Variants in MARCHF5 observed in about 807,000 individuals in gnomAD.
The protein encoded by MARCHF5 is membrane associated ring-CH-type finger 5.
MARCHF5 carries 5 observed loss-of-function variants against 36.5 expected under a neutral mutation model. That is an observed-to-expected ratio of 0.14 (90% CI 0.07 to 0.29). MARCHF5 has a LOEUF of 0.29. MARCHF5 is among the 10% of genes least tolerant of loss of function. The pLI is 1.00. For missense variants in MARCHF5, 179 were observed against 336.3 expected, an observed-to-expected ratio of 0.53 and a Z score of 3.66; for synonymous variants, 103 against 109.9, an observed-to-expected ratio of 0.94 and a Z score of 0.39.
chr10:92,329,576 T>G (rs997427962), intron 2 of MARCHF5, among the ~76,000 whole-genome samples: 2 of 152,182 alleles, frequency 1.3e-5, no homozygotes, highest in Admixed American at 6.5e-5. Flanking sequence ...TCAACCTATT[T>G]CTTTTCTGCC....
At chr10:92,322,601 A>G (rs1021790055) in intron 2 of MARCHF5, among the ~76,000 whole-genome samples, 1 of 147,954 alleles carries the variant, frequency 6.8e-6, no homozygotes, top group Non-Finnish European at 1.5e-5. Context: ...CACCATACCC[A>G]GCTAGTTTTT....
In MARCHF5 at chr10:92,349,414, A is replaced by C. The variant is rs1035069324; in HGVS notation, c.435A>C (p.Gly145=). The part of the protein sequence containing the change: ...ERADPLFLLI[G]LPTIPVMLIL... ...CTGATCCTTTATTCCTTTTAATTGG[A>C]CTTCCTACTATTCCTGTCATGCTGA... Residue 145 remains glycine, a synonymous_variant, in exon 4 of 6, where the codon GGA becomes GGC. Coordinates refer to ENST00000358935, the MANE Select transcript of MARCHF5 (RefSeq NM_017824.5). 3.7e-6 allele frequency: 6 copies of C among 1,613,932 alleles called. No homozygotes were observed. The African/African-American group carries it at 6.7e-5, about 18-fold the overall frequency.
rs537202028 is a variant in MARCHF5 at position 92,306,996 on chromosome 10, A to G, written c.36-4139A>G. On this transcript the variant is annotated intron_variant, in intron 1 of 5. Transcript: ENST00000358935. The stretch of plus-strand genomic sequence containing the variant: ...ACCACTGCACTCCAGCCTAGGTGGC[A>G]GAGTGAGACTCAGTCTCAAAAAAGG... Among the ~76,000 whole-genome samples the G allele has an allele frequency of 3.2e-4, 49 of 152,270 alleles. 1 individual carries two copies. The South Asian group carries it at 0.01, about 32-fold the overall frequency.
intron 1 of MARCHF5, among the ~76,000 whole-genome samples, chr10:92,310,651 T>G (rs767715973): frequency 4.6e-5 from 7 of 150,928 alleles, no homozygotes; most frequent in Non-Finnish European, 8.9e-5. Context: ...GAAAAATGGG[T>G]TTTTTTTTCC....
chr10:92,341,541 G>T (rs111534092), intron 3 of MARCHF5, among the ~76,000 whole-genome samples: 1 of 152,208 alleles, frequency 6.6e-6, no homozygotes, highest in East Asian at 1.9e-4. Context: ...GTCCCAAGCC[G>T]TTGACTCTTC....
At chr10:92,306,700 C>T (rs373366286) in intron 1 of MARCHF5, among the ~76,000 whole-genome samples, 1 of 152,038 alleles carries the variant, frequency 6.6e-6, no homozygotes, top group African/African-American at 2.4e-5. Context: ...AATTATAAGA[C>T]CTTCCCAGGT....
chr10:92,344,149 G>A (rs140469027), intron 3 of MARCHF5, among the ~76,000 whole-genome samples: 282 of 152,192 alleles, frequency 1.9e-3, no homozygotes, highest in African/African-American at 6.3e-3. Flanking sequence ...AATTAATGGG[G>A]CACTTGTTAA....
At position 92,352,816 on chromosome 10, in the gene MARCHF5, T is replaced by G. The variant is rs1245649608; in HGVS notation, c.*1609T>G. The G allele has an allele frequency of 1.3e-5, 2 of 152,618 alleles. No homozygotes were observed. The highest frequency in any genetic ancestry group is 2.9e-5 in the Non-Finnish European group (2 of 68,028). 9.5% of individuals were successfully genotyped at this position (152,618 alleles called of 1,614,324 possible). On this transcript the variant is annotated 3_prime_UTR_variant, in exon 6 of 6. Coordinates refer to ENST00000358935, the MANE Select transcript of MARCHF5 (RefSeq NM_017824.5). ...AGATTTGACTAACAGTGAGCCTTATTAAGAACACTACTACAGTTCTGAAGG... is the reference window on the plus strand; with the variant it reads ...AGATTTGACTAACAGTGAGCCTTATGAAGAACACTACTACAGTTCTGAAGG...
At chr10:92,349,561 GCATA>G (rs771605742) in intron 4 of MARCHF5, 29 bp downstream of exon 4, 21 of 1,602,040 alleles carry the variant, frequency 1.3e-5, no homozygotes, top group African/African-American at 2.7e-5. Flanking sequence ...GTTGTAAAGT[GCATA>G]CCAAATTGAT....
intron 2 of MARCHF5, among the ~76,000 whole-genome samples, chr10:92,329,580 T>C (rs1026086529): frequency 6.6e-6 from 1 of 152,200 alleles, no homozygotes; most frequent in Non-Finnish European, 1.5e-5. Context: ...CCTATTTCTT[T>C]TCTGCCTGCT....
intron 2 of MARCHF5, among the ~76,000 whole-genome samples, chr10:92,313,140 A>G (rs937312769): frequency 6.6e-6 from 1 of 152,130 alleles, no homozygotes; most frequent in Non-Finnish European, 1.5e-5. Context: ...AGGCTGAGGC[A>G]GAAGAGTTGC....
chr10:92,315,341 A>T (rs762138871), intron 2 of MARCHF5, among the ~76,000 whole-genome samples: 2 of 152,238 alleles, frequency 1.3e-5, no homozygotes, highest in Non-Finnish European at 2.9e-5. Context: ...TCATCTGATG[A>T]TAGAATTTTG....
At chr10:92,319,488 G>A (rs1375195208) in intron 2 of MARCHF5, among the ~76,000 whole-genome samples, 2 of 151,520 alleles carry the variant, frequency 1.3e-5, no homozygotes. Context: ...TAGAGACGGG[G>A]TTTCACCGTG....
chr10:92,340,026 A>G (rs1843558998), intron 2 of MARCHF5, among the ~76,000 whole-genome samples: 1 of 152,236 alleles, frequency 6.6e-6, no homozygotes, highest in Non-Finnish European at 1.5e-5. Context: ...TAAATACAAG[A>G]AAATGGCCCT....
intron 2 of MARCHF5, among the ~76,000 whole-genome samples, chr10:92,338,416 G>A (rs1334149719): frequency 6.6e-6 from 1 of 152,096 alleles, no homozygotes; most frequent in Non-Finnish European, 1.5e-5. Flanking sequence ...TAATGCCTTT[G>A]GCACAGCACA....
chr10:92,296,527 A>G (rs1203154822), intron 1 of MARCHF5, among the ~76,000 whole-genome samples: 1 of 152,216 alleles, frequency 6.6e-6, no homozygotes, highest in Non-Finnish European at 1.5e-5. Context: ...TTTACAGAGA[A>G]CAATGCAAAG....
chr10:92,338,245 T>A (rs1330938418), intron 2 of MARCHF5, among the ~76,000 whole-genome samples: 1 of 152,160 alleles, frequency 6.6e-6, no homozygotes, highest in Admixed American at 6.5e-5. Flanking sequence ...GTTTTATATA[T>A]ACTTACGGTC....
In MARCHF5 at chr10:92,352,324, T is replaced by C. The variant is rs1427531516; in HGVS notation, c.*1117T>C. 2.0e-5 allele frequency: 3 copies of C among 152,198 alleles called. No individual in the cohort carries two copies. The highest frequency in any genetic ancestry group is 4.8e-5 in the African/African-American group (2 of 41,446). The allele number at this position is 152,198 out of a possible 1,614,324, so 9.4% of individuals were successfully genotyped here. A position where few individuals can be genotyped will look rare whatever the true frequency, so the allele number is the denominator to read the frequency against. ...GAAAACAAGAAGTCTTAAGTAAATATTGAGGTCATTGTTTTTGGCTTAAGT... is the reference window on the plus strand; with the variant it reads ...GAAAACAAGAAGTCTTAAGTAAATACTGAGGTCATTGTTTTTGGCTTAAGT... On this transcript the variant is annotated 3_prime_UTR_variant, in exon 6 of 6. Transcript: ENST00000358935.
intron 2 of MARCHF5, among the ~76,000 whole-genome samples, chr10:92,326,216 C>T (rs576894501): frequency 6.6e-6 from 1 of 152,206 alleles, no homozygotes; most frequent in South Asian, 2.1e-4. Flanking sequence ...CAATAAATAT[C>T]AATAGCTATC....
Sources: allele counts gnomAD v4.1 joint callset (sites outside exome capture counted in the v4.1 genomes callset), GRCh38; gene constraint gnomAD v4.1.1; transcripts MANE v1.5; gene names NCBI Gene and HGNC (gene_info 2026-07-23, HGNC 2026-07-21).